Variants in SLC4A4 observed in about 807,000 individuals in gnomAD.
SLC4A4 encodes the protein electrogenic sodium bicarbonate cotransporter 1.
In SLC4A4, 27 loss-of-function variants were observed where a neutral mutation model predicts 111.5. That is an observed-to-expected ratio of 0.24 (90% confidence interval 0.18 to 0.33). The LOEUF (loss-of-function observed/expected upper bound fraction) is 0.33, where lower values mean the gene tolerates loss of function less well. SLC4A4 is among the 10% of genes least tolerant of loss of function. SLC4A4 has a pLI of 1.00. For missense variants in SLC4A4, 909 were observed against 1,315.5 expected (o/e 0.69, Z 4.78); for synonymous variants, 443 against 463.4 (o/e 0.96, Z 0.57).
At chr4:71,370,082 A>G (rs1731723129) in intron 6 of SLC4A4, among the ~76,000 whole-genome samples, 1 of 152,236 alleles carries the variant, frequency 6.6e-6, no homozygotes, top group Non-Finnish European at 1.5e-5. Context: ...TTTTCCTTGA[A>G]TAATAAAAGT....
chr4:71,348,752 T>C (rs1729555402), intron 4 of SLC4A4, among the ~76,000 whole-genome samples: 1 of 151,996 alleles, frequency 6.6e-6, no homozygotes, highest in South Asian at 2.1e-4. Context: ...ACTAATGTGT[T>C]TTTTTTTCCC....
intron 2 of SLC4A4, among the ~76,000 whole-genome samples, chr4:71,242,712 TTAA>T (rs1720342879): frequency 2.0e-5 from 3 of 151,328 alleles, no homozygotes; most frequent in African/African-American, 7.2e-5. Flanking sequence ...TTTTAATTAC[TTAA>T]TTAATTATTT....
chr4:71,142,139 A>G (rs1349144029), intron 2 of SLC4A4, among the ~76,000 whole-genome samples: 1 of 152,246 alleles, frequency 6.6e-6, no homozygotes, highest in Non-Finnish European at 1.5e-5. Flanking sequence ...ATAGGTACTC[A>G]CTGCTCTATA....
chr4:71,233,387 C>T (rs1719575663), intron 1 of SLC4A4: 2 of 766,962 alleles, frequency 2.6e-6, no homozygotes, highest in Non-Finnish European at 1.6e-6. Flanking sequence ...CTCTTTCCAT[C>T]TTTCTCAGCC....
chr4:71,195,433 A>C (rs551285208), intron 1 of SLC4A4, among the ~76,000 whole-genome samples: 1 of 152,210 alleles, frequency 6.6e-6, no homozygotes, highest in East Asian at 1.9e-4. Context: ...AAATGTGGCC[A>C]ATTTAGGGTG....
intron 20 of SLC4A4, among the ~76,000 whole-genome samples, chr4:71,548,204 T>C (rs1227721430): frequency 2.6e-5 from 4 of 151,956 alleles, no homozygotes; most frequent in South Asian, 2.1e-4. Context: ...TATTACTTTG[T>C]TTCTATTTTA....
intron 2 of SLC4A4, among the ~76,000 whole-genome samples, chr4:71,150,755 G>A (rs945775839): frequency 6.6e-5 from 10 of 152,064 alleles, no homozygotes; most frequent in African/African-American, 1.9e-4. Context: ...GGCAGCTTGC[G>A]GTCCTTAAGT....
Position 71,127,465 on chromosome 4 carries a change from G to A in SLC4A4, c.-2+34673G>A, listed in dbSNP as rs1162615978. 4.6e-5 allele frequency among the ~76,000 whole-genome samples: 7 copies of A among 152,052 alleles called. No homozygotes were observed. In the East Asian group the frequency reaches 1.4e-3, roughly 29 times the overall value. ...CAAAAATCCCACCCATATATCTTTT[G>A]GTACCTATGTCAGCCACTAAAATCA... is the stretch of plus-strand genomic sequence containing the variant. On this transcript the variant is annotated intron_variant, in intron 2 of 26. Coordinates refer to the SLC4A4 transcript ENST00000649996.
intron 12 of SLC4A4, 22 bp from the exon 13 acceptor site, chr4:71,466,422 A>T: frequency 6.2e-7 from 1 of 1,613,174 alleles, no homozygotes; most frequent in Non-Finnish European, 8.5e-7. Context: ...TTCATTTAAC[A>T]TCTATATTTT....
At chr4:71,113,221 G>C (rs1022029406) in intron 2 of SLC4A4, among the ~76,000 whole-genome samples, 1 of 152,184 alleles carries the variant, frequency 6.6e-6, no homozygotes, top group Non-Finnish European at 1.5e-5. Context: ...CACTAATCAG[G>C]TGGAGAAGAG....
chr4:71,100,147 C>G, intron 2 of SLC4A4, among the ~76,000 whole-genome samples: 1 of 151,834 alleles, frequency 6.6e-6, no homozygotes, highest in East Asian at 1.9e-4. Flanking sequence ...ATAGATGCAA[C>G]AAAAAAAGAA....
intron 6 of SLC4A4, among the ~76,000 whole-genome samples, chr4:71,390,863 A>C (rs1374018690): frequency 6.6e-6 from 1 of 152,120 alleles, no homozygotes; most frequent in East Asian, 1.9e-4. Flanking sequence ...GTGACCATGA[A>C]CTTAACCTGC....
intron 3 of SLC4A4, among the ~76,000 whole-genome samples, chr4:71,312,284 C>A (rs368870093): frequency 6.6e-6 from 1 of 152,208 alleles, no homozygotes; most frequent in East Asian, 1.9e-4. Context: ...TAATTAATAG[C>A]CTGCAAACCA....
intron 16 of SLC4A4, among the ~76,000 whole-genome samples, chr4:71,515,249 G>A (rs536908826): frequency 6.6e-6 from 1 of 152,022 alleles, no homozygotes; most frequent in Non-Finnish European, 1.5e-5. Context: ...TCATTCAGAA[G>A]CACGTTTAAT....
rs1742117851 is a variant in SLC4A4, at chr4:71,085,058, C to T, written c.-64-7672C>T. On this transcript the variant is annotated intron_variant, in intron 1 of 26. Coordinates refer to the SLC4A4 transcript ENST00000649996. ...TGTTCCCATTTCTCCACATCCTCTC[C>T]AGCACCTGTTGTTTCCTGACTTTTT... Among the ~76,000 whole-genome samples the T allele has an allele frequency of 2.0e-5, 3 of 152,066 alleles. 1 individual carries two copies. In the South Asian group the frequency reaches 6.2e-4, roughly 31 times the overall value.
intron 2 of SLC4A4, among the ~76,000 whole-genome samples, chr4:71,126,758 T>C (rs1390988792): frequency 6.6e-6 from 1 of 152,232 alleles, no homozygotes; most frequent in African/African-American, 2.4e-5. Flanking sequence ...TTGCTTATAA[T>C]TTCACATATC....
intron 1 of SLC4A4, among the ~76,000 whole-genome samples, chr4:71,227,484 C>G (rs891292016): frequency 1.3e-5 from 2 of 152,172 alleles, no homozygotes; most frequent in African/African-American, 4.8e-5. Context: ...TCCAGCCATC[C>G]TACACTCACA....
intron 16 of SLC4A4, among the ~76,000 whole-genome samples, chr4:71,513,341 A>C (rs186939831): frequency 4.1e-4 from 62 of 151,534 alleles, no homozygotes; most frequent in Middle Eastern, 6.8e-3. Flanking sequence ...GAGATGTTTC[A>C]CCCCCTTGGT....
At chr4:71,379,912 T>G (rs929526359) in intron 6 of SLC4A4, among the ~76,000 whole-genome samples, 1 of 152,146 alleles carries the variant, frequency 6.6e-6, no homozygotes, top group Non-Finnish European at 1.5e-5. Flanking sequence ...ATTGGGGCTT[T>G]TTTGAAGAAA....
Sources: allele counts gnomAD v4.1 joint callset (sites outside exome capture counted in the v4.1 genomes callset), GRCh38; gene constraint gnomAD v4.1.1; transcripts MANE v1.5; gene names NCBI Gene and HGNC (gene_info 2026-07-23, HGNC 2026-07-21).